PARP12: variants seen among roughly 807,000 people sequenced by gnomAD.
PARP12 encodes protein mono-ADP-ribosyltransferase PARP12.
Under a neutral mutation model 72.4 loss-of-function variants are expected in PARP12, and 59 were observed. The ratio of observed to expected loss-of-function variants is 0.81; its 90% CI spans 0.66 to 1.01. The LOEUF is 1.01. Ranked by LOEUF, PARP12 falls within the 50% of genes least tolerant of loss-of-function variation. The pLI, the probability that PARP12 is intolerant of heterozygous loss-of-function variation, is 0.00. For synonymous variants in PARP12, 403 were observed against 371.4 expected, an observed-to-expected ratio of 1.09 and a Z score of -0.98; for missense variants, 851 against 914.0, an observed-to-expected ratio of 0.93 and a Z score of 0.89.
chr7:140,059,360 A>G (rs1236610878), intron 1 of PARP12, among the ~76,000 whole-genome samples: 4 of 116,586 alleles, frequency 3.4e-5, no homozygotes, highest in Admixed American at 1.8e-4. Flanking sequence ...GCAGGCGTGT[A>G]TACACACACA....
chr7:140,054,272 G>A (rs1297955896), intron 4 of PARP12, among the ~76,000 whole-genome samples: 3 of 152,020 alleles, frequency 2.0e-5, no homozygotes, highest in East Asian at 1.9e-4. Context: ...TGTTTCCTTC[G>A]CAGTGAGGTC....
chr7:140,041,082 T>C (rs1180892791), intron 6 of PARP12, among the ~76,000 whole-genome samples: 1 of 152,228 alleles, frequency 6.6e-6, no homozygotes, highest in Non-Finnish European at 1.5e-5. Context: ...CTTGTATTTC[T>C]ATAAGTGACC....
At chr7:140,041,941 T>C (rs899091447) in intron 5 of PARP12, 102 bp from the exon 6 acceptor site, 5 of 1,001,570 alleles carry the variant, frequency 5.0e-6, no homozygotes, top group East Asian at 4.9e-5. Flanking sequence ...ATAGTAAATG[T>C]GGCATGCACA....
chr7:140,032,101 G>A (rs1815960553), intron 8 of PARP12, among the ~76,000 whole-genome samples: 1 of 151,994 alleles, frequency 6.6e-6, no homozygotes, highest in Non-Finnish European at 1.5e-5. Context: ...CACAGAAAAA[G>A]AAGCAAAAAT....
At chr7:140,054,855 G>T in intron 3 of PARP12, 92 bp from the exon 4 acceptor site, 1 of 1,096,976 alleles carries the variant, frequency 9.1e-7, no homozygotes, top group Non-Finnish European at 1.4e-6. Flanking sequence ...GCACAAAAGT[G>T]GGCAACGCAA....
At chr7:140,054,916 A>G (rs763469602) in intron 3 of PARP12, among the ~76,000 whole-genome samples, 153 bp from the exon 4 acceptor site, 1 of 152,206 alleles carries the variant, frequency 6.6e-6, no homozygotes, top group Admixed American at 6.5e-5. Context: ...ACACAGGTGG[A>G]TCCTCTACTT....
intron 7 of PARP12, among the ~76,000 whole-genome samples, chr7:140,037,103 G>A (rs1816233823): frequency 6.6e-6 from 1 of 152,202 alleles, no homozygotes; most frequent in African/African-American, 2.4e-5. Context: ...TGGGTAGAAC[G>A]CTTGAGGACA....
At chr7:140,035,909 GAGGACA>G (rs1816140525) in intron 7 of PARP12, among the ~76,000 whole-genome samples, 2 of 118,948 alleles carry the variant, frequency 1.7e-5, no homozygotes, top group South Asian at 5.0e-4. Flanking sequence ...GGACGAGGAG[GAGGACA>G]AGGAGGAGGA....
chr7:140,031,731 T>C (rs1815945829), intron 8 of PARP12, among the ~76,000 whole-genome samples: 1 of 151,358 alleles, frequency 6.6e-6, no homozygotes, highest in Non-Finnish European at 1.5e-5. Flanking sequence ...AAAAACTAAA[T>C]TAGAATAAGA....
chr7:140,030,334 A>G (rs1455715046), intron 8 of PARP12, among the ~76,000 whole-genome samples: 2 of 152,234 alleles, frequency 1.3e-5, no homozygotes, highest in Non-Finnish European at 2.9e-5. Context: ...GCAGTGGCCC[A>G]CGCCTGTAAT....
chr7:140,045,489 T>A (rs1444659058), intron 5 of PARP12, among the ~76,000 whole-genome samples: 1 of 152,220 alleles, frequency 6.6e-6, no homozygotes, highest in Non-Finnish European at 1.5e-5. Context: ...CAAATTTATA[T>A]AATTAGTAAA....
intron 4 of PARP12, among the ~76,000 whole-genome samples, chr7:140,053,898 C>T (rs750586788): frequency 3.3e-5 from 5 of 152,140 alleles, no homozygotes; most frequent in Non-Finnish European, 5.9e-5. Context: ...CACAACCACA[C>T]GGGAAGTGTT....
chr7:140,059,473 A>T lies in PARP12; in HGVS notation c.327-1439T>A, dbSNP rs1585118876. On this transcript the variant is annotated intron_variant, in intron 1 of 11. Coordinates refer to ENST00000263549, the MANE Select transcript of PARP12 (RefSeq NM_022750.4). Reference sequence around the variant, plus strand: ...TCTGATAAGCACCAGGGTGAGCCAGACATTGGCACCATGCCCTGAGAACCC... The same window carrying T: ...TCTGATAAGCACCAGGGTGAGCCAGTCATTGGCACCATGCCCTGAGAACCC... Among the ~76,000 whole-genome samples the T allele has an allele frequency of 2.0e-5, 3 of 151,922 alleles. No individual in the cohort carries two copies. In the South Asian group the frequency reaches 6.2e-4, roughly 32 times the overall value.
At chr7:140,030,924 G>C (rs1312763031) in intron 8 of PARP12, among the ~76,000 whole-genome samples, 1 of 152,128 alleles carries the variant, frequency 6.6e-6, no homozygotes, top group Non-Finnish European at 1.5e-5. Context: ...TAATCTGAAA[G>C]GACAAAGTGG....
In PARP12 at chr7:140,037,860, C is replaced by A. The variant is rs371070621; in HGVS notation, c.1183-4G>T. 29 of 1,602,084 alleles carry A rather than the reference C, an allele frequency of 1.8e-5. No homozygotes were observed. The highest frequency in any genetic ancestry group is 2.3e-5 in the Non-Finnish European group (27 of 1,170,420). On this transcript the variant is annotated splice_polypyrimidine_tract_variant and splice_region_variant and intron_variant, in intron 6 of 11. Transcript: ENST00000263549. ...TGGTCACAGGGTGCACCGTGCCCTG[C>A]GATGGAAAGCCAGACACTTTATGAA...
At chr7:140,031,365 C>G (rs1043851486) in intron 8 of PARP12, among the ~76,000 whole-genome samples, 3 of 151,790 alleles carry the variant, frequency 2.0e-5, no homozygotes, top group Non-Finnish European at 4.4e-5. Context: ...AGAGTGAGAC[C>G]CTGTCTCATA....
At chr7:140,057,406 G>A in intron 2 of PARP12, 1 of 542,910 alleles carries the variant, frequency 1.8e-6, no homozygotes, top group Non-Finnish European at 3.2e-6. Flanking sequence ...ACTTCAAAGT[G>A]ACTAGAGCTG....
intron 4 of PARP12, among the ~76,000 whole-genome samples, chr7:140,050,181 C>CT (rs911115741): frequency 6.6e-6 from 1 of 152,092 alleles, no homozygotes; most frequent in African/African-American, 2.4e-5. Flanking sequence ...ATGTGCAGAA[C>CT]ATACCACAGA....
Position 140,056,976 on chromosome 7 carries a change from C to A in PARP12, c.640G>T (p.Gly214Cys). ...CTGCTCACCAGGTCTGAGCTCATAC[C>A]CAACTTCTCCAATTTTTCCAGATTC... is the stretch of plus-strand genomic sequence containing the variant. ...SENLEKLEKL[G>C]MSSDLVSRLP... The change falls in exon 3 of 12, where the codon GGT becomes TGT. Residue 214 changes from glycine to cysteine, a missense_variant. Gly to Cys is a radical substitution (Grantham distance 159). Coordinates refer to ENST00000263549, the MANE Select transcript of PARP12 (RefSeq NM_022750.4). 1 of 1,614,170 alleles carries A rather than the reference C, an allele frequency of 6.2e-7. No homozygotes were observed. Among genetic ancestry groups the A allele is most frequent in the Non-Finnish European group, 8.5e-7 (1 of 1,180,032 alleles).
Sources: gnomAD v4.1 joint callset for allele counts (sites outside exome capture counted in the v4.1 genomes callset) on GRCh38, gnomAD v4.1.1 for gene constraint, MANE v1.5 for transcripts, NCBI Gene and HGNC (gene_info 2026-07-23, HGNC 2026-07-21) for gene names.